SLC2A9: variants seen among roughly 807,000 people sequenced by gnomAD.
SLC2A9 encodes solute carrier family 2, facilitated glucose transporter member 9.
In SLC2A9, 39 loss-of-function variants were observed where a neutral mutation model predicts 50.6. The observed-to-expected ratio is 0.77, with a 90% CI of 0.60 to 1.01. The LOEUF (loss-of-function observed/expected upper bound fraction) is 1.01, where lower values mean the gene tolerates loss of function less well. Ranked by LOEUF, SLC2A9 falls within the 50% of genes least tolerant of loss-of-function variation. The probability of loss-of-function intolerance (pLI) is 0.00; values close to 1 mark genes in which losing one functional copy is unlikely to be tolerated. For missense variants in SLC2A9, 686 were observed against 677.6 expected (o/e 1.01, Z -0.14); for synonymous variants, 324 against 276.9 (o/e 1.17, Z -1.69).
At chr4:9,983,200 C>A (rs1267746554) in intron 4 of SLC2A9, among the ~76,000 whole-genome samples, 1 of 152,156 alleles carries the variant, frequency 6.6e-6, no homozygotes, top group Non-Finnish European at 1.5e-5. Flanking sequence ...ACAAGGGAGG[C>A]CTTACTGCTA....
chr4:9,827,238 C>G (rs145863940), intron 11 of SLC2A9, among the ~76,000 whole-genome samples: 63 of 152,332 alleles, frequency 4.1e-4, no homozygotes, highest in Middle Eastern at 6.8e-3. Context: ...GTGACTCAGT[C>G]ACCTCTGTAG....
chr4:9,828,467 G>T (rs564733028), intron 11 of SLC2A9, among the ~76,000 whole-genome samples: 1 of 152,144 alleles, frequency 6.6e-6, no homozygotes, highest in Admixed American at 6.5e-5. Flanking sequence ...TAAGTCACCT[G>T]CAGGAAAGCC....
chr4:9,807,196 T>C (rs1197234407), intron 3 of SLC2A9, among the ~76,000 whole-genome samples: 1 of 152,194 alleles, frequency 6.6e-6, no homozygotes, highest in Non-Finnish European at 1.5e-5. Context: ...CCTCTGTCCT[T>C]TGTCACTTGC....
chr4:9,860,136 T>C (rs1731377890), intron 10 of SLC2A9, among the ~76,000 whole-genome samples: 1 of 152,166 alleles, frequency 6.6e-6, no homozygotes, highest in Non-Finnish European at 1.5e-5. Flanking sequence ...GCCCCCTGGG[T>C]AGTACCAGGC....
At chr4:9,775,463 G>A (rs2108824959), downstream of SLC2A9, among the ~76,000 whole-genome samples, 1 of 152,214 alleles carries the variant, frequency 6.6e-6, no homozygotes, top group Middle Eastern at 3.4e-3. Context: ...ATATAATTTG[G>A]ATATTTATCT....
At chr4:9,826,988 G>A (rs1252691115) in intron 11 of SLC2A9, among the ~76,000 whole-genome samples, 2 of 152,164 alleles carry the variant, frequency 1.3e-5, no homozygotes, top group African/African-American at 4.8e-5. Flanking sequence ...ACATCAAAAG[G>A]GAAGAGAAAT....
Position 9,843,766 on chromosome 4 carries a change from GATT to G in SLC2A9, c.1292-8761_1292-8759del, listed in dbSNP as rs1347990470. Among the ~76,000 whole-genome samples, 21 of 152,258 alleles carry G rather than the reference GATT, an allele frequency of 1.4e-4. No homozygotes were observed. The East Asian group carries it at 4.1e-3, about 29-fold the overall frequency. ...TGAACACTCAATAGCTTTTAATGAT[GATT>G]ATTATTATTCAGAAGAAGCATGTTC... On this transcript the variant is annotated intron_variant, in intron 10 of 11. Transcript: ENST00000264784.
In SLC2A9 at chr4:9,956,002, C is replaced by T. The variant is rs572875057; in HGVS notation, c.682-13957G>A. 2.1e-3 allele frequency among the ~76,000 whole-genome samples: 321 copies of T among 151,376 alleles called. 2 individuals are homozygous for T. The highest frequency in any genetic ancestry group is 6.8e-3 in the Middle Eastern group (2 of 294). On this transcript the variant is annotated intron_variant, in intron 5 of 11. Transcript: ENST00000264784. ...AAGCGATTCTCCTGCTCCAGCCTCC[C>T]GAGTAGCTGGGATTACAGGCACCCA...
In SLC2A9 at chr4:9,826,238, GT is replaced by G. The variant is rs1725101450; in HGVS notation, c.*158del. On this transcript the variant is annotated 3_prime_UTR_variant, in exon 12 of 12. Coordinates refer to ENST00000264784, the MANE Select transcript of SLC2A9 (RefSeq NM_020041.3). Reference sequence around the variant, plus strand: ...CAGTTGCAATGTTAGATTAGTACAGGTTTACTTTTAAATATTTAATAATATA... The same window carrying G: ...CAGTTGCAATGTTAGATTAGTACAGGTTACTTTTAAATATTTAATAATATA... 10 of 706,806 alleles carry G rather than the reference GT, an allele frequency of 1.4e-5. No homozygotes were observed. Among genetic ancestry groups the G allele is most frequent in the Non-Finnish European group, 2.4e-5 (10 of 415,698 alleles). The allele number at this position is 706,806 out of a possible 1,614,324, so 43.8% of individuals were successfully genotyped here.
intron 2 of SLC2A9, among the ~76,000 whole-genome samples, chr4:10,014,350 C>T (rs1016997582): frequency 6.6e-6 from 1 of 152,234 alleles, no homozygotes; most frequent in African/African-American, 2.4e-5. Context: ...CTGGGATTCT[C>T]TGCAGGATTC....
intron 9 of SLC2A9, among the ~76,000 whole-genome samples, chr4:9,889,848 C>T (rs1030882030): frequency 3.9e-5 from 6 of 152,224 alleles, no homozygotes; most frequent in African/African-American, 1.2e-4. Context: ...ATGCAGGGGG[C>T]AGAAGCCCAG....
chr4:9,951,803 G>A (rs974920581), intron 5 of SLC2A9, among the ~76,000 whole-genome samples: 12 of 152,212 alleles, frequency 7.9e-5, no homozygotes, highest in Non-Finnish European at 2.9e-5. Flanking sequence ...TTTTGATATG[G>A]AATCTTTAAA....
intron 2 of SLC2A9, among the ~76,000 whole-genome samples, chr4:10,001,828 C>T (rs1326898480): frequency 6.6e-6 from 1 of 152,244 alleles, no homozygotes; most frequent in African/African-American, 2.4e-5. Flanking sequence ...ATCAGAAGCC[C>T]TCTTCCCGCC....
chr4:9,985,371 T>C (rs1004069034), intron 4 of SLC2A9, among the ~76,000 whole-genome samples: 5 of 152,048 alleles, frequency 3.3e-5, no homozygotes, highest in African/African-American at 1.2e-4. Context: ...CTTGGAATAT[T>C]AACATTATGA....
chr4:9,906,793 AAAAT>A (rs948901969), intron 8 of SLC2A9, among the ~76,000 whole-genome samples: 4 of 152,254 alleles, frequency 2.6e-5, no homozygotes, highest in African/African-American at 9.6e-5. Context: ...GCTCAAAGTA[AAAAT>A]AAATAAACAA....
chr4:9,996,859 G>A lies in SLC2A9; in HGVS notation c.332C>T (p.Ser111Phe), dbSNP rs369212682. The change falls in exon 3 of 12, where the codon TCT becomes TTT. Residue 111 changes from serine (S) to phenylalanine (F), a missense_variant. Coordinates refer to ENST00000264784, the MANE Select transcript of SLC2A9 (RefSeq NM_020041.3). ...GATGGCGAATATGGACACAGTCACA[G>A]ACCAGAGCAAAGTCAGAGTGTCTGG... ...IDPDTLTLLW[S>F]VTVSIFAIGG... is the part of the protein sequence containing the mutation. The A allele has an allele frequency of 8.1e-6, 13 of 1,614,106 alleles. No individual in the cohort carries two copies. Among genetic ancestry groups the A allele is most frequent in the African/African-American group, 1.3e-5 (1 of 74,942 alleles).
intron 5 of SLC2A9, among the ~76,000 whole-genome samples, chr4:9,960,435 C>T (rs2108923529): frequency 6.6e-6 from 1 of 152,250 alleles, no homozygotes; most frequent in Middle Eastern, 3.4e-3. Context: ...CTGGGCAGTG[C>T]CAGGGAAGAA....
chr4:9,877,426 T>G (rs1734484818), intron 10 of SLC2A9, among the ~76,000 whole-genome samples: 1 of 152,138 alleles, frequency 6.6e-6, no homozygotes, highest in African/African-American at 2.4e-5. Flanking sequence ...ATATCTAGGG[T>G]TGAGTCTGGA....
chr4:9,782,527 C>T, intron 3 of SLC2A9: 1 of 1,614,012 alleles, frequency 6.2e-7, no homozygotes, highest in Non-Finnish European at 8.5e-7. Context: ...TGGCATGGAC[C>T]TTGTCCATCC....
Sources: allele counts gnomAD v4.1 joint callset (sites outside exome capture counted in the v4.1 genomes callset), GRCh38; gene constraint gnomAD v4.1.1; transcripts MANE v1.5; gene names NCBI Gene and HGNC (gene_info 2026-07-23, HGNC 2026-07-21).